BMPR1B: variants seen among roughly 807,000 people sequenced by gnomAD.
BMPR1B encodes bone morphogenetic protein receptor type 1B.
A neutral mutation model predicts 59.1 loss-of-function variants in BMPR1B; 12 were observed. The observed-to-expected ratio is 0.20, with a 90% CI of 0.13 to 0.33. The LOEUF is 0.33. BMPR1B is among the 10% of genes least tolerant of loss of function. BMPR1B has a pLI of 1.00. For synonymous variants in BMPR1B, 237 were observed against 207.3 expected (o/e 1.14, Z -1.23); for missense variants, 550 against 610.9 (o/e 0.90, Z 1.05).
intron 1 of BMPR1B, among the ~76,000 whole-genome samples, chr4:94,831,252 C>T (rs1400345948): frequency 5.1e-5 from 5 of 98,030 alleles, no homozygotes; most frequent in African/African-American, 2.1e-4. Flanking sequence ...AAAAAAAAAA[C>T]GTAGAAGAAA....
At chr4:94,874,310 T>C (rs964041351) in intron 1 of BMPR1B, among the ~76,000 whole-genome samples, 2 of 152,270 alleles carry the variant, frequency 1.3e-5, no homozygotes, top group Non-Finnish European at 2.9e-5. Context: ...TTCTTTGGAT[T>C]ATATATCCAA....
intron 10 of BMPR1B, among the ~76,000 whole-genome samples, chr4:95,134,628 G>A (rs1444665661): frequency 1.3e-5 from 2 of 152,176 alleles, no homozygotes; most frequent in Non-Finnish European, 2.9e-5. Context: ...GTGATGATGA[G>A]CATTTTTTCA....
chr4:94,928,538 C>T (rs1728975566), intron 2 of BMPR1B, among the ~76,000 whole-genome samples: 1 of 150,676 alleles, frequency 6.6e-6, no homozygotes, highest in Non-Finnish European at 1.5e-5. Context: ...GGCGGGCCCT[C>T]CTCCTATGTT....
chr4:94,973,565 C>G (rs549040616), intron 2 of BMPR1B, among the ~76,000 whole-genome samples: 4 of 152,256 alleles, frequency 2.6e-5, no homozygotes, highest in African/African-American at 9.6e-5. Context: ...TATCTACTGG[C>G]TGAGTCTGGA....
intron 1 of BMPR1B, among the ~76,000 whole-genome samples, chr4:94,824,220 C>T (rs1724306063): frequency 6.6e-6 from 1 of 152,212 alleles, no homozygotes. Context: ...TTAGCCTGAT[C>T]ATTGCCAGCA....
chr4:94,826,575 T>TA (rs1440399671), intron 1 of BMPR1B, among the ~76,000 whole-genome samples: 1 of 152,036 alleles, frequency 6.6e-6, no homozygotes, highest in Non-Finnish European at 1.5e-5. Flanking sequence ...CTTTTTTTTT[T>TA]ATTCAATTAC....
chr4:94,951,485 G>A (rs894027210), intron 2 of BMPR1B, among the ~76,000 whole-genome samples: 4 of 152,074 alleles, frequency 2.6e-5, no homozygotes, highest in African/African-American at 4.8e-5. Context: ...AGCATGAAGC[G>A]CTGTTGAATT....
At chr4:95,068,053 G>A (rs187054647) in intron 3 of BMPR1B, among the ~76,000 whole-genome samples, 1 of 152,244 alleles carries the variant, frequency 6.6e-6, no homozygotes, top group Admixed American at 6.5e-5. Context: ...AACTGCACAG[G>A]GTTTAGTGTC....
At chr4:95,045,638 C>CGCAA (rs1179267066) in intron 3 of BMPR1B, among the ~76,000 whole-genome samples, 2 of 152,200 alleles carry the variant, frequency 1.3e-5, no homozygotes, top group African/African-American at 2.4e-5. Flanking sequence ...GCCTCCCCCA[C>CGCAA]GCAAGTCCAA....
At chr4:95,006,785 C>T (rs921371244) in intron 3 of BMPR1B, among the ~76,000 whole-genome samples, 1 of 151,948 alleles carries the variant, frequency 6.6e-6, no homozygotes, top group Non-Finnish European at 1.5e-5. Context: ...GTGATCCACC[C>T]GCCTCGGCCT....
intron 2 of BMPR1B, among the ~76,000 whole-genome samples, chr4:94,991,189 CT>C (rs1227300457): frequency 6.6e-6 from 1 of 152,092 alleles, no homozygotes; most frequent in Non-Finnish European, 1.5e-5. Flanking sequence ...TTCTACTGAC[CT>C]CATAATTGTT....
chr4:95,071,646 G>GTATATATATATATATATATA (rs1179814583), intron 3 of BMPR1B, among the ~76,000 whole-genome samples: 3 of 86,576 alleles, frequency 3.5e-5, no homozygotes, highest in African/African-American at 1.4e-4. Context: ...GTGTGTGTGT[G>GTATATATATATATATATATA]TGTGTGTATA....
chr4:95,038,306 G>C (rs1454399773), intron 3 of BMPR1B, among the ~76,000 whole-genome samples: 1 of 152,190 alleles, frequency 6.6e-6, no homozygotes, highest in African/African-American at 2.4e-5. Flanking sequence ...AGCATTGCCA[G>C]CTATTGAAAG....
intron 2 of BMPR1B, among the ~76,000 whole-genome samples, chr4:94,890,375 C>G (rs964103636): frequency 3.3e-5 from 5 of 152,070 alleles, no homozygotes; most frequent in African/African-American, 1.2e-4. Flanking sequence ...CTCTCTCTTT[C>G]CTTCTTCCCA....
At chr4:95,069,947 A>G (rs899064426) in intron 3 of BMPR1B, among the ~76,000 whole-genome samples, 4 of 152,166 alleles carry the variant, frequency 2.6e-5, no homozygotes, top group Admixed American at 2.0e-4. Flanking sequence ...TAAAAATACA[A>G]AATTAGCCGG....
rs1215485875 is a variant in BMPR1B at position 94,876,684 on chromosome 4, A to G, written c.-113+784A>G. On this transcript the variant is annotated intron_variant, in intron 2 of 12. Transcript: ENST00000515059. The stretch of plus-strand genomic sequence containing the variant: ...ACCTCCTGATCTTTACTTCAGTGCT[A>G]TACTGAAAACCGATAATACTATTTG... Among the ~76,000 whole-genome samples, 4 of 152,014 alleles carry G rather than the reference A, an allele frequency of 2.6e-5. No individual in the cohort carries two copies. In the South Asian group the frequency reaches 8.3e-4, roughly 31 times the overall value.
intron 1 of BMPR1B, among the ~76,000 whole-genome samples, chr4:94,777,453 A>C (rs1722418185): frequency 6.6e-6 from 1 of 152,206 alleles, no homozygotes; most frequent in Non-Finnish European, 1.5e-5. Context: ...TTATAAAAGA[A>C]ATGCAAATTA....
chr4:95,022,282 T>C (rs1724042827), intron 3 of BMPR1B, among the ~76,000 whole-genome samples: 1 of 152,232 alleles, frequency 6.6e-6, no homozygotes, highest in African/African-American at 2.4e-5. Context: ...AAATAAGTTT[T>C]AGCAGTGGCT....
In BMPR1B at chr4:94,949,565, C is replaced by G. The variant is rs1401912931; in HGVS notation, c.-112-46475C>G. On this transcript the variant is annotated intron_variant, in intron 2 of 12. Transcript: ENST00000515059. Reference sequence around the variant, plus strand: ...TCTCCTGACCTCGTGATCCACCCGCCTCGGCCTCCCAAAGTGCTGGGATTA... The same window carrying G: ...TCTCCTGACCTCGTGATCCACCCGCGTCGGCCTCCCAAAGTGCTGGGATTA... 7.2e-5 allele frequency among the ~76,000 whole-genome samples: 4 copies of G among 55,872 alleles called. 1 individual carries two copies. Among genetic ancestry groups the G allele is most frequent in the Non-Finnish European group, 1.6e-4 (4 of 25,534 alleles). The allele number at this position is 55,872 out of a possible 152,430, so 36.7% of individuals were successfully genotyped here. A position where few individuals can be genotyped will look rare whatever the true frequency, so the allele number is the denominator to read the frequency against.
Sources: gnomAD v4.1 joint callset for allele counts (sites outside exome capture counted in the v4.1 genomes callset) on GRCh38, gnomAD v4.1.1 for gene constraint, MANE v1.5 for transcripts, NCBI Gene and HGNC (gene_info 2026-07-23, HGNC 2026-07-21) for gene names.